The following TNS1 variants were observed in gnomAD, a reference collection of about 807,000 sequenced individuals.
TNS1 encodes tensin-1.
A neutral mutation model predicts 168.6 loss-of-function variants in TNS1; 62 were observed. The observed-to-expected ratio is 0.37, with a 90% CI of 0.30 to 0.45. The LOEUF is 0.45. TNS1 is among the 20% of genes least tolerant of loss of function. The pLI is 1.00. For synonymous variants in TNS1, 934 were observed against 933.2 expected (o/e 1.00, Z -0.02); for missense variants, 2,240 against 2,339.4 (o/e 0.96, Z 0.88).
intron 19 of TNS1, among the ~76,000 whole-genome samples, 199 bp from the exon 20 acceptor site, chr2:217,836,410 G>A (rs905852497): frequency 6.6e-6 from 1 of 152,256 alleles, no homozygotes; most frequent in South Asian, 2.1e-4. Context: ...CAGGAGAGGG[G>A]ATCTGCTTAG....
intron 1 of TNS1, among the ~76,000 whole-genome samples, chr2:218,020,058 C>G (rs931338353): frequency 6.6e-6 from 1 of 152,142 alleles, no homozygotes; most frequent in Non-Finnish European, 1.5e-5. Flanking sequence ...TGTTGACTCT[C>G]GCTCTGTCTT....
intron 1 of TNS1, among the ~76,000 whole-genome samples, chr2:218,024,411 T>G (rs553017383): frequency 6.6e-6 from 1 of 152,002 alleles, no homozygotes; most frequent in South Asian, 2.1e-4. Context: ...CTTAGGATAT[T>G]GAGTGGCTGG....
chr2:217,888,548 T>G (rs1394968262), intron 12 of TNS1, among the ~76,000 whole-genome samples: 1 of 152,160 alleles, frequency 6.6e-6, no homozygotes, highest in African/African-American at 2.4e-5. Flanking sequence ...GAGTTGTAGC[T>G]CCCATAATTC....
At chr2:217,907,089 C>T (rs1384759961) in intron 5 of TNS1, 121 bp downstream of exon 5, 23 of 649,768 alleles carry the variant, frequency 3.5e-5, no homozygotes, top group Admixed American at 3.2e-4. Context: ...CCCAAATCTA[C>T]TCCGGAAGCA....
At chr2:217,888,604 G>A (rs1951440593) in intron 12 of TNS1, among the ~76,000 whole-genome samples, 1 of 152,166 alleles carries the variant, frequency 6.6e-6, no homozygotes, top group South Asian at 2.1e-4. Context: ...TGAATCATGG[G>A]AGTGGTTTCC....
At position 217,961,717 on chromosome 2, in the gene TNS1, C is replaced by T. The variant is rs536894511; in HGVS notation, c.186+17048G>A. ...ACCCCCCCATTCTTCATTCACCCAACCCATGTTGACATAGGAAATGATTTC... is the reference window on the plus strand; with the variant it reads ...ACCCCCCCATTCTTCATTCACCCAATCCATGTTGACATAGGAAATGATTTC... On this transcript the variant is annotated intron_variant, in intron 3 of 32. Transcript: ENST00000682258. Among the ~76,000 whole-genome samples the T allele has an allele frequency of 1.2e-4, 19 of 152,306 alleles. No homozygotes were observed. In the South Asian group the frequency reaches 2.7e-3, roughly 22 times the overall value.
chr2:217,845,301 CT>C (rs773110964), intron 19 of TNS1, among the ~76,000 whole-genome samples: 7 of 152,198 alleles, frequency 4.6e-5, no homozygotes, highest in Non-Finnish European at 7.3e-5. Flanking sequence ...TATGTTCCAG[CT>C]TCTTACGGCA....
chr2:217,897,147 A>G lies in TNS1; in HGVS notation c.543+651T>C, dbSNP rs1296409403. ...CAGATCAGATCTGTGGGTCCAGTCC[A>G]CAGGCACCTCCCTCTAAAATGGACC... On this transcript the variant is annotated intron_variant, in intron 8 of 32. Coordinates refer to ENST00000682258, the MANE Select transcript of TNS1 (RefSeq NM_001387777.1). 4.6e-5 allele frequency among the ~76,000 whole-genome samples: 7 copies of G among 152,160 alleles called. No individual in the cohort carries two copies. The East Asian group carries it at 1.3e-3, about 29-fold the overall frequency.
intron 1 of TNS1, among the ~76,000 whole-genome samples, chr2:218,031,532 T>TGA (rs58884709): frequency 0.33 from 47,163 of 140,908 alleles, 11,278 homozygotes; most frequent in African/African-American, 0.67. Flanking sequence ...TGTGAGTGTG[T>TGA]GTGTGCCTGT....
intron 16 of TNS1, among the ~76,000 whole-genome samples, chr2:217,883,078 G>A (rs1950838531): frequency 1.3e-5 from 2 of 151,780 alleles, no homozygotes; most frequent in African/African-American, 4.8e-5. Context: ...CTACAGGCGT[G>A]AGCCACCATA....
chr2:217,818,729 C>G lies in TNS1; in HGVS notation c.3603G>C (p.Glu1201Asp), dbSNP rs981838738. The G allele has an allele frequency of 1.9e-6, 3 of 1,613,090 alleles. No homozygotes were observed. Among genetic ancestry groups the G allele is most frequent in the African/African-American group, 2.7e-5 (2 of 74,922 alleles). The stretch of plus-strand genomic sequence containing the variant: ...GCGTCCGGGGACCCTGGTCACTGCT[C>G]TCTCCCGACGGGAAACTCCCCACTG... ...STSVGSFPSGESSDQGPRTPT... is the reference protein window; with the variant it reads ...STSVGSFPSGDSSDQGPRTPT... The change falls in exon 24 of 33, where the codon GAG (glutamate) becomes GAC (aspartate). Residue 1201 changes from glutamate (E) to aspartate (D), a missense_variant. Transcript: ENST00000682258.
At position 217,973,648 on chromosome 2, in the gene TNS1, A is replaced by G. The variant is rs541862086; in HGVS notation, c.186+5117T>C. Among the ~76,000 whole-genome samples, 6 of 152,356 alleles carry G rather than the reference A, an allele frequency of 3.9e-5. No homozygotes were observed. In the South Asian group the frequency reaches 1.2e-3, roughly 32 times the overall value. ...GCTCCCTGCCCATTTAACCCAGAGCAGACCAGAATCACATCGAAGGCCCCT... is the reference window on the plus strand; with the variant it reads ...GCTCCCTGCCCATTTAACCCAGAGCGGACCAGAATCACATCGAAGGCCCCT... On this transcript the variant is annotated intron_variant, in intron 3 of 32. Transcript: ENST00000682258.
rs776378341 is a variant in TNS1 at position 217,890,943 on chromosome 2, G to A, written c.866+19C>T. ...AGTGCACACATACATGCAAGGGGCT[G>A]TGAGCCCCAGAGACCCACCTTCTTT... is the stretch of plus-strand genomic sequence containing the variant. On this transcript the variant is annotated intron_variant, in intron 12 of 32. Coordinates refer to ENST00000682258, the MANE Select transcript of TNS1 (RefSeq NM_001387777.1). 5.0e-6 allele frequency: 8 copies of A among 1,608,504 alleles called. No homozygotes were observed. The highest frequency in any genetic ancestry group is 1.3e-5 in the African/African-American group (1 of 74,850).
At chr2:217,882,452 C>A in intron 16 of TNS1, 41 bp from the exon 17 acceptor site, 16 of 1,426,674 alleles carry the variant, frequency 1.1e-5, no homozygotes, top group South Asian at 7.6e-5. Flanking sequence ...GCAAAAAGTC[C>A]CAAAAAGGAT....
In TNS1 at chr2:217,809,849, T is replaced by C; in HGVS notation, c.5247A>G (p.Gly1749=). ...TTCTCTGGTTGTCAGTCAGAGTGAT[T>C]CCCTGGGCAGAGACTTTGAAGTGAA... ...TIVHFKVSAQ[G]ITLTDNQRKL... The change falls in exon 30 of 33, where the codon GGA becomes GGG. Residue 1749 remains glycine, a synonymous_variant. Coordinates refer to ENST00000682258, the MANE Select transcript of TNS1 (RefSeq NM_001387777.1). 1 of 1,613,914 alleles carries C rather than the reference T, an allele frequency of 6.2e-7. No homozygotes were observed. The highest frequency in any genetic ancestry group is 8.5e-7 in the Non-Finnish European group (1 of 1,179,934).
chr2:217,812,005 C>T (rs1941002761), intron 28 of TNS1, among the ~76,000 whole-genome samples: 1 of 152,140 alleles, frequency 6.6e-6, no homozygotes, highest in Non-Finnish European at 1.5e-5. Context: ...AGTCTGCCTC[C>T]CCACTCTCTT....
In TNS1 at chr2:217,978,776, A is replaced by G. The variant is rs1177205393; in HGVS notation, c.175T>C (p.Cys59Arg). Residue 59 changes from cysteine (C) to arginine (R), a missense_variant, in exon 3 of 33, where the codon TGC (cysteine) becomes CGC (arginine). By Grantham distance (180) the Cys-to-Arg change is radical (BLOSUM62 -3). Transcript: ENST00000682258. ...KVCSFSCHRK[C>R]QAKVAAPCVP... ...CCGCGGCCCCTTACCTTGGCCTGGC[A>G]TTTCCGATGACAGGAGAAGCTGCAG... 3 of 701,900 alleles carry G rather than the reference A, an allele frequency of 4.3e-6. No individual in the cohort carries two copies. In the African/African-American group the frequency reaches 5.3e-5, roughly 12 times the overall value. 43.5% of individuals were successfully genotyped at this position (701,900 alleles called of 1,614,324 possible). A position where few individuals can be genotyped will look rare whatever the true frequency, so the allele number is the denominator to read the frequency against.
chr2:217,911,095 A>G (rs1401229720), intron 4 of TNS1, among the ~76,000 whole-genome samples: 3 of 152,134 alleles, frequency 2.0e-5, no homozygotes, highest in African/African-American at 7.2e-5. Context: ...ACAGACCCCT[A>G]TGTCTGTCTC....
chr2:217,850,092 A>T lies in TNS1; in HGVS notation c.1430-1005T>A, dbSNP rs142379966. 2.0e-4 allele frequency: 196 copies of T among 985,386 alleles called. No individual in the cohort carries two copies. In the East Asian group the frequency reaches 0.012, roughly 62 times the overall value. 61.0% of individuals were successfully genotyped at this position (985,386 alleles called of 1,614,324 possible). A position where few individuals can be genotyped will look rare whatever the true frequency, so the allele number is the denominator to read the frequency against. ...ACCCCTCCACCAGCAAGCTCAGCCC[A>T]TACCACTCAAGACTCCAGGAAAGGG... On this transcript the variant is annotated intron_variant, in intron 18 of 32. Coordinates refer to ENST00000682258, the MANE Select transcript of TNS1 (RefSeq NM_001387777.1).
Sources: allele counts gnomAD v4.1 joint callset (sites outside exome capture counted in the v4.1 genomes callset), GRCh38; gene constraint gnomAD v4.1.1; transcripts MANE v1.5; gene names NCBI Gene and HGNC (gene_info 2026-07-23, HGNC 2026-07-21).